The following ITGA9 variants were observed in gnomAD, a reference collection of about 807,000 sequenced individuals.
ITGA9 encodes integrin subunit alpha 9.
ITGA9 carries 56 observed loss-of-function variants against 127.8 expected under a neutral mutation model. The observed-to-expected ratio is 0.44, with a 90% CI of 0.35 to 0.55. The LOEUF is 0.55. Ranked by LOEUF, ITGA9 falls within the 20% of genes least tolerant of loss-of-function variation. The pLI, the probability that ITGA9 is intolerant of heterozygous loss-of-function variation, is 0.00. For missense variants in ITGA9, 1,196 were observed against 1,347.1 expected, an observed-to-expected ratio of 0.89 and a Z score of 1.76; for synonymous variants, 508 against 514.5, an observed-to-expected ratio of 0.99 and a Z score of 0.17.
At chr3:37,740,508 T>A (rs1314999237) in intron 20 of ITGA9, among the ~76,000 whole-genome samples, 1 of 152,200 alleles carries the variant, frequency 6.6e-6, no homozygotes, top group African/African-American at 2.4e-5. Context: ...TCCTTCTCGC[T>A]CCCAAATCTG....
intron 17 of ITGA9, among the ~76,000 whole-genome samples, chr3:37,671,552 T>A (rs903484555): frequency 9.8e-5 from 15 of 152,344 alleles, no homozygotes; most frequent in Non-Finnish European, 5.9e-5. Flanking sequence ...TTGGCTCAGA[T>A]CATCTTAGTA....
chr3:37,482,975 A>G (rs1579055371), intron 4 of ITGA9, among the ~76,000 whole-genome samples: 2 of 152,194 alleles, frequency 1.3e-5, no homozygotes, highest in African/African-American at 4.8e-5. Flanking sequence ...AGAAACGCAA[A>G]GCATGTGTCA....
chr3:37,496,674 C>T (rs909746594), intron 5 of ITGA9, among the ~76,000 whole-genome samples: 3 of 152,174 alleles, frequency 2.0e-5, no homozygotes, highest in African/African-American at 7.2e-5. Flanking sequence ...GGTGTCTTCT[C>T]ATCCTACTTA....
intron 14 of ITGA9, among the ~76,000 whole-genome samples, chr3:37,536,144 T>C (rs267549): frequency 0.57 from 86,862 of 152,034 alleles, 25,315 homozygotes; most frequent in East Asian, 0.81. Flanking sequence ...ACCCTCCACT[T>C]CCATCCAAGC....
chr3:37,539,964 A>T (rs995695268), intron 14 of ITGA9, among the ~76,000 whole-genome samples: 2 of 152,224 alleles, frequency 1.3e-5, no homozygotes, highest in African/African-American at 4.8e-5. Flanking sequence ...CTTGCCAGGC[A>T]CATGGACAGA....
intron 17 of ITGA9, among the ~76,000 whole-genome samples, chr3:37,659,053 G>T (rs1418885999): frequency 6.6e-6 from 1 of 152,180 alleles, no homozygotes; most frequent in African/African-American, 2.4e-5. Flanking sequence ...TTCACTGTTA[G>T]TCTGATGGGC....
intron 1 of ITGA9, among the ~76,000 whole-genome samples, chr3:37,453,636 A>C (rs1698226466): frequency 6.6e-6 from 1 of 152,078 alleles, no homozygotes; most frequent in Non-Finnish European, 1.5e-5. Context: ...TTGTGTATTC[A>C]CCAGCCTGAG....
intron 17 of ITGA9, among the ~76,000 whole-genome samples, chr3:37,672,720 ATTACCTATG>A (rs1700648858): frequency 6.6e-6 from 1 of 152,178 alleles, no homozygotes; most frequent in South Asian, 2.1e-4. Flanking sequence ...ACCACAGGGG[ATTACCTATG>A]TTTATCTGGG....
At chr3:37,700,844 T>C (rs1228190974) in intron 18 of ITGA9, among the ~76,000 whole-genome samples, 1 of 152,254 alleles carries the variant, frequency 6.6e-6, no homozygotes, top group East Asian at 1.9e-4. Context: ...CAGTAATTTT[T>C]AAGTAGTGTT....
intron 12 of ITGA9, 55 bp from the exon 13 acceptor site, chr3:37,525,971 C>T (rs900830769): frequency 2.0e-5 from 30 of 1,506,926 alleles, no homozygotes; most frequent in South Asian, 1.2e-4. Flanking sequence ...TCCCAGGGCG[C>T]GGTTGTGTAT....
chr3:37,490,975 C>CCCCCT (rs548395527), intron 4 of ITGA9, among the ~76,000 whole-genome samples: 23 of 105,102 alleles, frequency 2.2e-4, no homozygotes, highest in South Asian at 7.2e-4. Context: ...TTCCCCCCCG[C>CCCCCT]TTTTTTTTTT....
chr3:37,592,731 A>G (rs1245441525), intron 15 of ITGA9, among the ~76,000 whole-genome samples: 1 of 152,156 alleles, frequency 6.6e-6, no homozygotes. Context: ...TCTGGTTTGG[A>G]GAACAGGGTG....
intron 16 of ITGA9, among the ~76,000 whole-genome samples, chr3:37,647,026 CAA>C (rs1700384185): frequency 6.6e-6 from 1 of 152,126 alleles, no homozygotes; most frequent in South Asian, 2.1e-4. Context: ...GCCATTTGCC[CAA>C]AGAGACTAAT....
intron 18 of ITGA9, among the ~76,000 whole-genome samples, chr3:37,726,574 A>G (rs552048155): frequency 1.3e-5 from 2 of 152,362 alleles, no homozygotes; most frequent in African/African-American, 4.8e-5. Flanking sequence ...CGTTACAAAC[A>G]GGGCTGTAGC....
intron 16 of ITGA9, among the ~76,000 whole-genome samples, chr3:37,635,236 G>A (rs2125637980): frequency 6.6e-6 from 1 of 152,302 alleles, no homozygotes; most frequent in Non-Finnish European, 1.5e-5. Flanking sequence ...TCAACTGTGA[G>A]CAATAATCAT....
intron 8 of ITGA9, among the ~76,000 whole-genome samples, chr3:37,508,964 C>G (rs556948601): frequency 7.2e-5 from 11 of 152,314 alleles, no homozygotes; most frequent in African/African-American, 2.6e-4. Flanking sequence ...GAATCTCCAC[C>G]TCCAGAGAGA....
chr3:37,615,999 T>C (rs890057537), intron 15 of ITGA9, among the ~76,000 whole-genome samples: 1 of 152,232 alleles, frequency 6.6e-6, no homozygotes, highest in African/African-American at 2.4e-5. Flanking sequence ...TTTCTTGCCT[T>C]CTGCTAGCTT....
At chr3:37,770,921 T>C (rs1696834884) in intron 23 of ITGA9, among the ~76,000 whole-genome samples, 1 of 152,178 alleles carries the variant, frequency 6.6e-6, no homozygotes, top group South Asian at 2.1e-4. Flanking sequence ...ATGTCCTCTT[T>C]GGGGTAAAGG....
intron 15 of ITGA9, among the ~76,000 whole-genome samples, chr3:37,576,228 G>A (rs1040566262): frequency 1.3e-5 from 2 of 152,188 alleles, no homozygotes; most frequent in Admixed American, 1.3e-4. Flanking sequence ...TTGCAGCTGG[G>A]CACACAGGGC....
Sources: allele counts gnomAD v4.1 joint callset (sites outside exome capture counted in the v4.1 genomes callset), GRCh38; gene constraint gnomAD v4.1.1; transcripts MANE v1.5; gene names NCBI Gene and HGNC (gene_info 2026-07-23, HGNC 2026-07-21).